Variants in RNF144A observed in about 807,000 individuals in gnomAD.
The protein encoded by RNF144A is E3 ubiquitin-protein ligase RNF144A.
A neutral mutation model predicts 38.7 loss-of-function variants in RNF144A; 11 were observed. The observed-to-expected ratio is 0.28, with a 90% CI of 0.18 to 0.47. The LOEUF (loss-of-function observed/expected upper bound fraction) is 0.47. Ranked by LOEUF, RNF144A falls within the 20% of genes least tolerant of loss-of-function variation. The probability of loss-of-function intolerance (pLI) is 0.99; values close to 1 mark genes in which losing one functional copy is unlikely to be tolerated. For missense variants in RNF144A, 316 were observed against 377.2 expected, an observed-to-expected ratio of 0.84 and a Z score of 1.34; for synonymous variants, 149 against 143.9, an observed-to-expected ratio of 1.04 and a Z score of -0.25.
chr2:7,003,403 T>G lies in RNF144A; in HGVS notation c.135+6342T>G, dbSNP rs59370746. ...GCGCCCTGTATAAGTATATGATTTT[T>G]TACATCTTTTATAGCATATTTTAAA... On this transcript the variant is annotated intron_variant, in intron 3 of 8. Transcript: ENST00000320892. Among the ~76,000 whole-genome samples the G allele has an allele frequency of 9.4e-3, 1,435 of 152,318 alleles. 16 individuals carry two copies. Among genetic ancestry groups the G allele is most frequent in the African/African-American group, 0.031 (1,280 of 41,552 alleles).
intron 3 of RNF144A, among the ~76,000 whole-genome samples, chr2:7,001,847 C>G (rs949568698): frequency 6.6e-6 from 1 of 152,182 alleles, no homozygotes; most frequent in Non-Finnish European, 1.5e-5. Context: ...GATCTCTGTT[C>G]TGCCTCTGCT....
At chr2:7,075,379 T>C in the RNF144A span, among the ~76,000 whole-genome samples, 2 of 152,292 alleles carry the variant, frequency 1.3e-5, no homozygotes, top group Admixed American at 1.3e-4. Flanking sequence ...TTAGCATTTT[T>C]ATGACACAGT....
intron 2 of RNF144A, among the ~76,000 whole-genome samples, chr2:6,989,331 G>A (rs1266059670): frequency 1.3e-5 from 2 of 152,110 alleles, no homozygotes; most frequent in African/African-American, 4.8e-5. Context: ...TGAGAAACCT[G>A]GATCCCACTG....
chr2:6,955,630 A>T (rs1427260980), intron 2 of RNF144A, among the ~76,000 whole-genome samples: 2 of 152,030 alleles, frequency 1.3e-5, no homozygotes, highest in Non-Finnish European at 2.9e-5. Flanking sequence ...CTGTGTCTAG[A>T]TGTTTTCCTT....
At chr2:6,975,273 A>C (rs1023742556) in intron 2 of RNF144A, among the ~76,000 whole-genome samples, 4 of 152,172 alleles carry the variant, frequency 2.6e-5, no homozygotes, top group Non-Finnish European at 5.9e-5. Context: ...CGTGAGACCC[A>C]TTCACTATCA....
At chr2:6,955,541 A>C (rs1474690095) in intron 2 of RNF144A, among the ~76,000 whole-genome samples, 1 of 152,172 alleles carries the variant, frequency 6.6e-6, no homozygotes, top group African/African-American at 2.4e-5. Context: ...ACAACTAAAT[A>C]GAGTTGCTCC....
intron 7 of RNF144A, among the ~76,000 whole-genome samples, chr2:7,028,055 G>C (rs1672037786): frequency 6.6e-6 from 1 of 152,228 alleles, no homozygotes; most frequent in East Asian, 1.9e-4. Context: ...CATAAGGCAC[G>C]ATCCGGACAC....
At chr2:7,008,647 G>A (rs1395344824) in intron 3 of RNF144A, among the ~76,000 whole-genome samples, 1 of 152,166 alleles carries the variant, frequency 6.6e-6, no homozygotes, top group Non-Finnish European at 1.5e-5. Flanking sequence ...CACCCCTTCT[G>A]GTGGAGCCTG....
chr2:7,038,228 G>A lies in RNF144A; in HGVS notation c.748-1401G>A, dbSNP rs749722078. ...ATGCCTGTGTCTTTTCTGTTTTCTCGTCGGAAATGCACTATTCCAGTCTTT... is the reference window on the plus strand; with the variant it reads ...ATGCCTGTGTCTTTTCTGTTTTCTCATCGGAAATGCACTATTCCAGTCTTT... On this transcript the variant is annotated intron_variant, in intron 8 of 8. Coordinates refer to ENST00000320892, the MANE Select transcript of RNF144A (RefSeq NM_014746.6). Among the ~76,000 whole-genome samples the A allele has an allele frequency of 2.2e-4, 33 of 152,272 alleles. 1 individual carries two copies. Among genetic ancestry groups the A allele is most frequent in the African/African-American group, 5.1e-4 (21 of 41,552 alleles).
chr2:6,933,622 G>GA (rs895880881), intron 1 of RNF144A, among the ~76,000 whole-genome samples: 4 of 149,638 alleles, frequency 2.7e-5, no homozygotes, highest in South Asian at 4.2e-4. Flanking sequence ...ACTTTGAAAG[G>GA]AAAAAAAATG....
At chr2:7,051,099 G>A (rs938578674) in intron 6 of RNF144A, among the ~76,000 whole-genome samples, 2 of 152,220 alleles carry the variant, frequency 1.3e-5, no homozygotes, top group African/African-American at 2.4e-5. Flanking sequence ...CACTCCACAG[G>A]TGGTAGCAGA....
At position 6,991,379 on chromosome 2, in the gene RNF144A, G is replaced by T. The variant is rs1024284683; in HGVS notation, c.-11-5537G>T. 5.9e-5 allele frequency among the ~76,000 whole-genome samples: 9 copies of T among 152,164 alleles called. No individual in the cohort carries two copies. The East Asian group carries it at 1.7e-3, about 29-fold the overall frequency. On this transcript the variant is annotated intron_variant, in intron 2 of 8. Transcript: ENST00000320892. Reference sequence around the variant, plus strand: ...AATCTCTGCTGCTGCTGACAGCTCCGTATTATGAAGATGTAGCTTTTCCCA... The same window carrying T: ...AATCTCTGCTGCTGCTGACAGCTCCTTATTATGAAGATGTAGCTTTTCCCA...
chr2:6,958,869 A>AAAGAAG lies in RNF144A; in HGVS notation c.-12+17722_-12+17723insAAGAAG, dbSNP rs1360253922. 6.6e-6 allele frequency among the ~76,000 whole-genome samples: 1 copy of AAAGAAG among 152,100 alleles called. No homozygotes were observed. On this transcript the variant is annotated intron_variant, in intron 2 of 8. Coordinates refer to ENST00000320892, the MANE Select transcript of RNF144A (RefSeq NM_014746.6). This position sits in a 1 kb window ranked among gnomAD's most constrained non-coding sequence, Gnocchi z 4.5. ...GGGCCCTGCTGAAAGGAGCTTGGACACTATTCCAAAGCTTCTCTTTTACCC... is the reference window on the plus strand; with the variant it reads ...GGGCCCTGCTGAAAGGAGCTTGGACAAAGAAGCTATTCCAAAGCTTCTCTTTTACCC...
chr2:7,052,167 C>A (rs1057315084), intron 6 of RNF144A, among the ~76,000 whole-genome samples: 2 of 152,138 alleles, frequency 1.3e-5, no homozygotes, highest in African/African-American at 2.4e-5. Context: ...CATCACCTCA[C>A]CTTGATTCTG....
chr2:6,973,014 C>T (rs187145798), intron 2 of RNF144A, among the ~76,000 whole-genome samples: 3 of 152,286 alleles, frequency 2.0e-5, no homozygotes, highest in East Asian at 1.9e-4. Flanking sequence ...AACTTTGTGA[C>T]GTTGGACAAG....
chr2:6,961,988 A>G (rs1162896254), intron 2 of RNF144A, among the ~76,000 whole-genome samples: 1 of 152,240 alleles, frequency 6.6e-6, no homozygotes, highest in Non-Finnish European at 1.5e-5. Context: ...CAGGGAGAAC[A>G]AGGACACGGA....
chr2:6,929,679 G>A (rs541770081), intron 1 of RNF144A, among the ~76,000 whole-genome samples: 1 of 152,242 alleles, frequency 6.6e-6, no homozygotes, highest in Non-Finnish European at 1.5e-5. Flanking sequence ...TTACGCAATC[G>A]TAGTTTGGAA....
chr2:6,923,298 T>C (rs1374164103), intron 1 of RNF144A, among the ~76,000 whole-genome samples: 1 of 152,222 alleles, frequency 6.6e-6, no homozygotes, highest in African/African-American at 2.4e-5. Flanking sequence ...GAAGCTGGAA[T>C]CAATGCACAC....
chr2:7,024,360 C>T lies in RNF144A; in HGVS notation c.510-9C>T. ...TTTGTGCAGAGTCCTCACGGCGTTT[C>T]TCCCACAGTGCTGCTTTCAAAATGG... is the stretch of plus-strand genomic sequence containing the variant. On this transcript the variant is annotated splice_polypyrimidine_tract_variant and intron_variant, in intron 6 of 8. Transcript: ENST00000320892. The T allele has an allele frequency of 6.3e-7, 1 of 1,598,730 alleles. No homozygotes were observed. The highest frequency in any genetic ancestry group is 8.6e-7 in the Non-Finnish European group (1 of 1,167,166).
Sources: allele counts gnomAD v4.1 joint callset (sites outside exome capture counted in the v4.1 genomes callset), GRCh38; gene constraint gnomAD v4.1.1; non-coding constraint Gnocchi (gnomAD v3.1); transcripts MANE v1.5; gene names NCBI Gene and HGNC (gene_info 2026-07-23, HGNC 2026-07-21).